The following TXNL1 variants were observed in gnomAD, a reference collection of about 807,000 sequenced individuals.
TXNL1 encodes thioredoxin-like protein 1.
TXNL1 carries 14 observed loss-of-function variants against 35.5 expected under a neutral mutation model. The observed-to-expected ratio is 0.39, with a 90% CI of 0.26 to 0.62. The LOEUF (loss-of-function observed/expected upper bound fraction) is 0.62. TXNL1 is among the 20% of genes least tolerant of loss of function. The pLI is 0.47. For missense variants in TXNL1, 263 were observed against 349.7 expected (o/e 0.75, Z 1.98); for synonymous variants, 110 against 115.5 (o/e 0.95, Z 0.31).
At position 56,598,208 on chromosome 18, in the gene TXNL1, A is replaced by G. The variant is rs905680595; in HGVS notation, c.*4819T>C. ...CCCTTGGACCCTGAGAATTTTTTCA[A>G]CATTGTATTTAATGATAGAAACCAA... On this transcript the variant is annotated 3_prime_UTR_variant, in exon 8 of 8. Coordinates refer to ENST00000217515, the MANE Select transcript of TXNL1 (RefSeq NM_004786.3). 1.5e-4 allele frequency: 23 copies of G among 152,318 alleles called. No individual in the cohort carries two copies. Among genetic ancestry groups the G allele is most frequent in the African/African-American group, 4.1e-4 (17 of 41,562 alleles). 9.4% of individuals were successfully genotyped at this position (152,318 alleles called of 1,614,324 possible).
Position 56,637,379 on chromosome 18 carries a change from G to A in TXNL1, c.98+964C>T, listed in dbSNP as rs544607779. 9.2e-5 allele frequency among the ~76,000 whole-genome samples: 14 copies of A among 152,248 alleles called. No individual in the cohort carries two copies. In the East Asian group the frequency reaches 2.5e-3, roughly 27 times the overall value. ...AAGTTAGATGTATAAATAACGCCAA[G>A]GGGTCAAGGAAAATAAAGCGGAAAC... is the stretch of plus-strand genomic sequence containing the variant. On this transcript the variant is annotated intron_variant, in intron 1 of 7. Coordinates refer to ENST00000217515, the MANE Select transcript of TXNL1 (RefSeq NM_004786.3).
chr18:56,617,704 T>C (rs1042740040), intron 4 of TXNL1, among the ~76,000 whole-genome samples: 5 of 152,172 alleles, frequency 3.3e-5, no homozygotes, highest in Admixed American at 1.3e-4. Flanking sequence ...GAAGAAGGTA[T>C]GGAAGTCAGG....
Position 56,638,360 on chromosome 18 carries a change from G to A in TXNL1, c.81C>T (p.Val27=). The change falls in exon 1 of 8, where the codon GTC becomes GTT. Residue 27 remains valine (V), a synonymous_variant. Coordinates refer to ENST00000217515, the MANE Select transcript of TXNL1 (RefSeq NM_004786.3). ...GGCCTCACCCTCTCATGGTGAACTT[G>A]ACCACGGCGAGTCTGGAGCCCGCGC... ...LSGAGSRLAV[V]KFTMRGCGPC... is the part of the protein sequence containing the mutation. 3 of 1,613,472 alleles carry A rather than the reference G, an allele frequency of 1.9e-6. No individual in the cohort carries two copies. The highest frequency in any genetic ancestry group is 2.5e-6 in the Non-Finnish European group (3 of 1,179,660).
chr18:56,605,651 T>A (rs992160698), intron 7 of TXNL1, among the ~76,000 whole-genome samples: 1 of 152,222 alleles, frequency 6.6e-6, no homozygotes, highest in South Asian at 2.1e-4. Context: ...AAGCTTTTCA[T>A]GCTGCAACAC....
rs917518317 is a variant in TXNL1 at position 56,626,574 on chromosome 18, T to TTTTTG, written c.99-122_99-118dup. ...ACTGCTGGCTTTTGACTCTCTGTTT[T>TTTTTG]TTTTGTTTTGTTTTGTTTTTTGCTT... On this transcript the variant is annotated intron_variant, in intron 1 of 7. Transcript: ENST00000217515. 17 of 971,500 alleles carry TTTTTG rather than the reference T, an allele frequency of 1.7e-5. No homozygotes were observed. The African/African-American group carries it at 2.4e-4, about 13-fold the overall frequency. The allele number at this position is 971,500 out of a possible 1,614,324, so 60.2% of individuals were successfully genotyped here.
intron 3 of TXNL1, 41 bp downstream of exon 3, chr18:56,624,247 A>G: frequency 3.8e-6 from 6 of 1,569,312 alleles, no homozygotes; most frequent in Non-Finnish European, 5.2e-6. Flanking sequence ...TGACATGTAC[A>G]AGATATTATA....
intron 1 of TXNL1, among the ~76,000 whole-genome samples, chr18:56,634,273 G>C (rs553215882): frequency 5.3e-5 from 8 of 152,302 alleles, no homozygotes; most frequent in African/African-American, 1.9e-4. Context: ...CAGATACACA[G>C]AGATGAACGT....
rs1014839038 is a variant in TXNL1, at chr18:56,599,789, C to T, written c.*3238G>A. On this transcript the variant is annotated 3_prime_UTR_variant, in exon 8 of 8. Coordinates refer to ENST00000217515, the MANE Select transcript of TXNL1 (RefSeq NM_004786.3). The stretch of plus-strand genomic sequence containing the variant: ...AGCCAGGCTGGTCTCAAACTCCTGA[C>T]CTCAAGTGATCCAGCCGCCTCGGCC... The T allele has an allele frequency of 2.0e-5, 3 of 152,084 alleles. No individual in the cohort carries two copies. Among genetic ancestry groups the T allele is most frequent in the Non-Finnish European group, 4.4e-5 (3 of 68,060 alleles). The allele number at this position is 152,084 out of a possible 1,614,324, so 9.4% of individuals were successfully genotyped here.
intron 3 of TXNL1, among the ~76,000 whole-genome samples, chr18:56,621,488 G>A (rs1181293076): frequency 6.6e-6 from 1 of 151,878 alleles, no homozygotes; most frequent in African/African-American, 2.4e-5. Flanking sequence ...GCCACCACAC[G>A]CCCAGCCCAC....
intron 7 of TXNL1, chr18:56,609,860 C>T (rs1196543836): frequency 1.3e-5 from 2 of 152,144 alleles, no homozygotes; most frequent in Admixed American, 1.3e-4. Flanking sequence ...CCTGCAGTCC[C>T]CAAAAGGTAA....
At chr18:56,605,873 T>C (rs1405583672) in intron 7 of TXNL1, among the ~76,000 whole-genome samples, 1 of 152,220 alleles carries the variant, frequency 6.6e-6, no homozygotes, top group African/African-American at 2.4e-5. Flanking sequence ...CTGTCAGATA[T>C]CTTAGTGACA....
At chr18:56,625,920 T>C (rs1445397584) in intron 2 of TXNL1, among the ~76,000 whole-genome samples, 1 of 152,160 alleles carries the variant, frequency 6.6e-6, no homozygotes, top group Admixed American at 6.5e-5. Flanking sequence ...TGTGGCTCAA[T>C]CAACAATAAT....
chr18:56,629,345 T>C (rs1225075057), intron 1 of TXNL1, among the ~76,000 whole-genome samples: 9 of 152,066 alleles, frequency 5.9e-5, no homozygotes, highest in Non-Finnish European at 1.2e-4. Flanking sequence ...CAGGCCAACA[T>C]GGTGAAACCC....
Position 56,638,472 on chromosome 18 carries a change from C to A in TXNL1, c.-32G>T, listed in dbSNP as rs1402834374. The A allele has an allele frequency of 6.3e-7, 1 of 1,597,376 alleles. No individual in the cohort carries two copies. The highest frequency in any genetic ancestry group is 8.5e-7 in the Non-Finnish European group (1 of 1,169,846). ...AGAGAGCCCGGCAGGGTGGCCGCGA[C>A]GCCACTGGCTTTGAAACTGAAGGAG... On this transcript the variant is annotated 5_prime_UTR_variant, in exon 1 of 8. Transcript: ENST00000217515.
At chr18:56,629,238 A>G (rs2024333013) in intron 1 of TXNL1, among the ~76,000 whole-genome samples, 1 of 152,246 alleles carries the variant, frequency 6.6e-6, no homozygotes, top group Admixed American at 6.5e-5. Context: ...TTAAAAAGTT[A>G]TGACAGGGGC....
At chr18:56,620,558 T>C (rs2024163796) in intron 3 of TXNL1, among the ~76,000 whole-genome samples, 1 of 152,246 alleles carries the variant, frequency 6.6e-6, no homozygotes, top group African/African-American at 2.4e-5. Context: ...TATTTCTCTA[T>C]GGTGCTGGTC....
intron 4 of TXNL1, among the ~76,000 whole-genome samples, chr18:56,616,736 T>C (rs954472152): frequency 6.6e-6 from 1 of 152,158 alleles, no homozygotes; most frequent in African/African-American, 2.4e-5. Flanking sequence ...AATACACAGG[T>C]TATGCAGAGA....
chr18:56,632,766 A>G (rs985359417), intron 1 of TXNL1, among the ~76,000 whole-genome samples: 2 of 152,144 alleles, frequency 1.3e-5, no homozygotes, highest in Non-Finnish European at 2.9e-5. Flanking sequence ...TTAATGATCT[A>G]TTTCTTGCAC....
At chr18:56,616,462 T>A in intron 4 of TXNL1, 148 bp from the exon 5 acceptor site, 1 of 647,196 alleles carries the variant, frequency 1.5e-6, no homozygotes, top group East Asian at 2.8e-5. Context: ...AATCAGCAAG[T>A]GGAGAGTCAC....
Sources: allele counts gnomAD v4.1 joint callset (sites outside exome capture counted in the v4.1 genomes callset), GRCh38; gene constraint gnomAD v4.1.1; transcripts MANE v1.5; gene names NCBI Gene and HGNC (gene_info 2026-07-23, HGNC 2026-07-21).